The following LRRCC1 variants were observed in gnomAD, a reference collection of about 807,000 sequenced individuals.
LRRCC1 encodes leucine rich repeat and coiled-coil centrosomal protein 1, also known as leucine-rich repeat and coiled-coil domain-containing protein 1.
Under a neutral mutation model 126.0 loss-of-function variants are expected in LRRCC1, and 115 were observed. That is an observed-to-expected ratio of 0.91 (90% confidence interval 0.78 to 1.07). The LOEUF (loss-of-function observed/expected upper bound fraction) is 1.07. Ranked by LOEUF, LRRCC1 falls within the 50% of genes least tolerant of loss-of-function variation. LRRCC1 has a pLI of 0.00. For synonymous variants in LRRCC1, 400 were observed against 393.4 expected (o/e 1.02, Z -0.20); for missense variants, 1,172 against 1,175.7 (o/e 1.00, Z 0.05).
rs537104389 is a variant in LRRCC1, at chr8:85,113,252, T to A, written c.544+153T>A. On this transcript the variant is annotated intron_variant, in intron 4 of 18. Coordinates refer to ENST00000360375, the MANE Select transcript of LRRCC1 (RefSeq NM_033402.5). Reference sequence around the variant, plus strand: ...ATGGTTACAAATAAAATTAGTGTATTAAGACTAATGACTGTTACAGAACAC... The same window carrying A: ...ATGGTTACAAATAAAATTAGTGTATAAAGACTAATGACTGTTACAGAACAC... 3.3e-5 allele frequency among the ~76,000 whole-genome samples: 5 copies of A among 152,290 alleles called. No individual in the cohort carries two copies. The South Asian group carries it at 1.0e-3, about 32-fold the overall frequency.
At chr8:85,137,356 C>T in intron 14 of LRRCC1, 108 bp from the exon 15 acceptor site, 1 of 645,650 alleles carries the variant, frequency 1.5e-6, no homozygotes, top group Non-Finnish European at 2.3e-6. Context: ...AGCTATGTTT[C>T]TTTATTTAGT....
At chr8:85,139,226 A>G (rs891933043) in intron 17 of LRRCC1, among the ~76,000 whole-genome samples, 1 of 152,114 alleles carries the variant, frequency 6.6e-6, no homozygotes, top group Non-Finnish European at 1.5e-5. Flanking sequence ...GCACATTTAG[A>G]TAGCAGTTGC....
intron 8 of LRRCC1, among the ~76,000 whole-genome samples, chr8:85,126,093 C>T (rs963221916): frequency 6.6e-6 from 1 of 152,114 alleles, no homozygotes; most frequent in Non-Finnish European, 1.5e-5. Context: ...TTGGTAAGGA[C>T]TCTGTTTCCT....
chr8:85,129,752 C>T (rs1359456742), intron 10 of LRRCC1, among the ~76,000 whole-genome samples, 167 bp from the exon 11 acceptor site: 1 of 152,150 alleles, frequency 6.6e-6, no homozygotes, highest in Non-Finnish European at 1.5e-5. Flanking sequence ...TGTATTTGTT[C>T]CTTCCAAGGC....
intron 9 of LRRCC1, 149 bp from the exon 10 acceptor site, chr8:85,129,026 G>C: frequency 1.6e-6 from 1 of 644,294 alleles, no homozygotes; most frequent in African/African-American, 1.8e-5. Flanking sequence ...CCCATATACA[G>C]TCTAGCACGC....
In LRRCC1 at chr8:85,126,679, T is replaced by C; in HGVS notation, c.1273-10T>C. 6.2e-7 allele frequency: 1 copy of C among 1,600,868 alleles called. No individual in the cohort carries two copies. Among genetic ancestry groups the C allele is most frequent in the South Asian group, 1.1e-5 (1 of 89,434 alleles). ...TTCTAAGTTCACATAACTTTGTTGT[T>C]TTCTTTCAGTCCCTTGTTGAACAGC... On this transcript the variant is annotated splice_polypyrimidine_tract_variant and intron_variant, in intron 8 of 18. Coordinates refer to ENST00000360375, the MANE Select transcript of LRRCC1 (RefSeq NM_033402.5).
intron 9 of LRRCC1, among the ~76,000 whole-genome samples, chr8:85,128,558 A>G (rs1810196140): frequency 6.6e-6 from 1 of 151,840 alleles, no homozygotes; most frequent in Non-Finnish European, 1.5e-5. Context: ...GTGAGTATAT[A>G]CAATTTCAAA....
In LRRCC1 at chr8:85,138,324, A is replaced by G. The variant is rs548728814; in HGVS notation, c.2703-14A>G. ...ATAAACCCAATTTATTTTTCAAATT[A>G]CTTCTCATATTAGTACACTGAATCG... On this transcript the variant is annotated splice_polypyrimidine_tract_variant and intron_variant, in intron 16 of 18. Transcript: ENST00000360375. 361 of 1,587,714 alleles carry G rather than the reference A, an allele frequency of 2.3e-4. 3 individuals are homozygous for G. The South Asian group carries it at 4.0e-3, about 18-fold the overall frequency.
chr8:85,135,092 T>G, intron 13 of LRRCC1, 60 bp downstream of exon 13: 5 of 1,270,800 alleles, frequency 3.9e-6, no homozygotes, highest in East Asian at 2.7e-5. Flanking sequence ...TCAAGTGGGT[T>G]GTGATAAATT....
In LRRCC1 at chr8:85,131,879, T is replaced by G. The variant is rs763841425; in HGVS notation, c.1886T>G (p.Ile629Ser). Residue 629 changes from isoleucine to serine, a missense_variant, in exon 12 of 19, where the codon ATT becomes AGT. Coordinates refer to ENST00000360375, the MANE Select transcript of LRRCC1 (RefSeq NM_033402.5). The stretch of plus-strand genomic sequence containing the variant: ...ATGATAAAAGAATACCAAGAGAAAA[T>G]TGACGTGTTAAGCCAGCAGTATATG... ...EQMIKEYQEK[I>S]DVLSQQYMDL... 3 of 1,613,756 alleles carry G rather than the reference T, an allele frequency of 1.9e-6. No homozygotes were observed. The highest frequency in any genetic ancestry group is 2.5e-6 in the Non-Finnish European group (3 of 1,179,850).
chr8:85,123,565 A>G lies in LRRCC1; in HGVS notation c.1083A>G (p.Gln361=), dbSNP rs1274691637. 2 of 1,601,570 alleles carry G rather than the reference A, an allele frequency of 1.2e-6. No individual in the cohort carries two copies. Among genetic ancestry groups the G allele is most frequent in the South Asian group, 2.3e-5 (2 of 88,508 alleles). The change falls in exon 7 of 19, where the codon CAA becomes CAG. Residue 361 remains glutamine (Q), a synonymous_variant. Coordinates refer to ENST00000360375, the MANE Select transcript of LRRCC1 (RefSeq NM_033402.5). ...TCCCTTATGATGCCAAAACCATTCA[A>G]ACTATTAAGCACCACAATAAAAACT... ...SKIPYDAKTI[Q]TIKHHNKNYN...
intron 6 of LRRCC1, among the ~76,000 whole-genome samples, chr8:85,117,694 T>C (rs1809229594): frequency 1.3e-5 from 2 of 152,170 alleles, no homozygotes; most frequent in East Asian, 3.8e-4. Context: ...ATTTTTATTC[T>C]TCAGCAAACT....
rs533603811 is a variant in LRRCC1, at chr8:85,112,172, G to A, written c.377-760G>A. Among the ~76,000 whole-genome samples, 4 of 152,154 alleles carry A rather than the reference G, an allele frequency of 2.6e-5. No homozygotes were observed. In the South Asian group the frequency reaches 6.2e-4, roughly 24 times the overall value. On this transcript the variant is annotated intron_variant, in intron 3 of 18. Transcript: ENST00000360375. ...CCTGTACTGGCTATCACTGTGCCTG[G>A]CTGAGTTTGACAGTTTGTTATAATG...
chr8:85,140,218 A>G (rs1242956679), intron 17 of LRRCC1, among the ~76,000 whole-genome samples: 2 of 152,220 alleles, frequency 1.3e-5, no homozygotes, highest in African/African-American at 4.8e-5. Context: ...AGACTGGTAT[A>G]CTTTTTAATT....
At chr8:85,128,632 A>G (rs1810201237) in intron 9 of LRRCC1, among the ~76,000 whole-genome samples, 1 of 152,090 alleles carries the variant, frequency 6.6e-6, no homozygotes, top group Non-Finnish European at 1.5e-5. Context: ...AGATCTGTTC[A>G]TCTAATTATC....
intron 12 of LRRCC1, among the ~76,000 whole-genome samples, chr8:85,134,302 G>T (rs1449246929): frequency 1.3e-5 from 2 of 152,132 alleles, no homozygotes; most frequent in African/African-American, 4.8e-5. Context: ...CAAAAGCAAA[G>T]ATTTTATTCT....
In LRRCC1 at chr8:85,113,003, AT is replaced by A. The variant is rs1808843667; in HGVS notation, c.449del (p.Ile150ThrfsTer9). ...IDLHSNRIDS[I>X]HHLLQCMVGL... is the part of the protein sequence containing the mutation. ...TCTACATAGTAATCGTATAGATAGTATCCATCACTTACTTCAGTGTATGGTA... is the reference window on the plus strand; with the variant it reads ...TCTACATAGTAATCGTATAGATAGTACCATCACTTACTTCAGTGTATGGTA... On this transcript the variant is annotated frameshift_variant, in exon 4 of 19. Transcript: ENST00000360375. LOFTEE classifies it high-confidence loss of function. 6.2e-7 allele frequency: 1 copy of A among 1,602,728 alleles called. No individual in the cohort carries two copies. The highest frequency in any genetic ancestry group is 1.3e-5 in the African/African-American group (1 of 74,806).
At chr8:85,118,797 C>T (rs2135938124) in intron 6 of LRRCC1, among the ~76,000 whole-genome samples, 1 of 151,990 alleles carries the variant, frequency 6.6e-6, no homozygotes, top group African/African-American at 2.4e-5. Context: ...TGAATATTTT[C>T]TCCCTGTTTG....
At chr8:85,144,069 A>G (rs1236501133) in intron 18 of LRRCC1, among the ~76,000 whole-genome samples, 1 of 152,222 alleles carries the variant, frequency 6.6e-6, no homozygotes, top group East Asian at 1.9e-4. Flanking sequence ...AGAAGTTAAC[A>G]ATATCAACTA....
Sources: gnomAD v4.1 joint callset for allele counts (sites outside exome capture counted in the v4.1 genomes callset) on GRCh38, gnomAD v4.1.1 for gene constraint, MANE v1.5 for transcripts, NCBI Gene and HGNC (gene_info 2026-07-23, HGNC 2026-07-21) for gene names.